The following TMEM132C variants were observed in gnomAD, a reference collection of about 807,000 sequenced individuals.
TMEM132C encodes transmembrane protein 132C.
In TMEM132C, 29 loss-of-function variants were observed where a neutral mutation model predicts 61.4. The ratio of observed to expected loss-of-function variants is 0.47; its 90% CI spans 0.35 to 0.64. The LOEUF (loss-of-function observed/expected upper bound fraction) is 0.64. Among genes scored for constraint, TMEM132C ranks in the 30% least tolerant of loss-of-function variants. The pLI is 0.00. For missense variants in TMEM132C, 1,408 were observed against 1,476.9 expected, an observed-to-expected ratio of 0.95 and a Z score of 0.76; for synonymous variants, 656 against 633.1, an observed-to-expected ratio of 1.04 and a Z score of -0.54.
At chr12:128,666,148 C>G (rs1321052275) in intron 4 of TMEM132C, among the ~76,000 whole-genome samples, 1 of 148,234 alleles carries the variant, frequency 6.7e-6, no homozygotes, top group Non-Finnish European at 1.5e-5. Context: ...CACACATTCA[C>G]AGGCATTCAT....
Position 128,705,932 on chromosome 12 carries a change from G to A in TMEM132C, c.2964G>A (p.Pro988=), listed in dbSNP as rs1044433377. 3.4e-5 allele frequency: 52 copies of A among 1,551,224 alleles called. No homozygotes were observed. Among genetic ancestry groups the A allele is most frequent in the African/African-American group, 1.1e-4 (8 of 73,018 alleles). The change falls in exon 9 of 9, where the codon CCG becomes CCA. Residue 988 remains proline (P), a synonymous_variant. Transcript: ENST00000435159. ...AELLESMGDA[P]PPQDEHTTII... The stretch of plus-strand genomic sequence containing the variant: ...TCCTGGAGAGCATGGGGGATGCGCC[G>A]CCGCCCCAGGACGAGCACACCACCA...
chr12:128,460,960 G>C (rs771027493), intron 2 of TMEM132C, among the ~76,000 whole-genome samples: 6 of 152,180 alleles, frequency 3.9e-5, no homozygotes, highest in Non-Finnish European at 5.9e-5. Context: ...ACTTGAAAAT[G>C]AGTAGCTAGG....
chr12:128,340,915 TTTCTCTC>T (rs1872954818), intron 1 of TMEM132C, among the ~76,000 whole-genome samples: 1 of 103,738 alleles, frequency 9.6e-6, no homozygotes, highest in African/African-American at 4.0e-5. Context: ...TCTCTCTCTC[TTTCTCTC>T]TCTCTCTCTC....
At position 128,426,098 on chromosome 12, in the gene TMEM132C, G is replaced by A. The variant is rs915965461; in HGVS notation, c.974+10478G>A. On this transcript the variant is annotated intron_variant, in intron 2 of 8. Coordinates refer to ENST00000435159, the MANE Select transcript of TMEM132C (RefSeq NM_001136103.3). ...ACATGCCCCTTGGCAACACCAGGCC[G>A]TGTTCCCTGTGGTGGAAAAGCAAAG... Among the ~76,000 whole-genome samples, 14 of 152,224 alleles carry A rather than the reference G, an allele frequency of 9.2e-5. 1 individual carries two copies. Among genetic ancestry groups the A allele is most frequent in the African/African-American group, 3.1e-4 (13 of 41,458 alleles).
chr12:128,500,900 GT>G (rs887550581), intron 2 of TMEM132C, among the ~76,000 whole-genome samples: 73 of 152,142 alleles, frequency 4.8e-4, no homozygotes, highest in African/African-American at 1.6e-3. Flanking sequence ...TCAAGGTAGT[GT>G]TTTTTTATAA....
At chr12:128,620,367 T>C (rs539972677) in intron 4 of TMEM132C, among the ~76,000 whole-genome samples, 29 of 151,890 alleles carry the variant, frequency 1.9e-4, no homozygotes, top group African/African-American at 6.3e-4. Flanking sequence ...TTCCTGCAGG[T>C]ATACTCTAGT....
chr12:128,678,574 G>C (rs1191116693), intron 5 of TMEM132C, among the ~76,000 whole-genome samples: 1 of 152,222 alleles, frequency 6.6e-6, no homozygotes, highest in Non-Finnish European at 1.5e-5. Context: ...CAAGCATGCA[G>C]GACGATGCCT....
chr12:128,705,213 C>G lies in TMEM132C; in HGVS notation c.2245C>G (p.Gln749Glu), dbSNP rs1173086115. The G allele has an allele frequency of 1.3e-6, 2 of 1,551,598 alleles. No homozygotes were observed. The highest frequency in any genetic ancestry group is 1.7e-6 in the Non-Finnish European group (2 of 1,147,012). ...SQDEAVVSVPQPRSPRWPVVV... is the reference protein window; with the variant it reads ...SQDEAVVSVPEPRSPRWPVVV... ...GGACGAGGCTGTCGTGTCAGTCCCC[C>G]AGCCCCGCTCTCCCAGGTGGCCCGT... Residue 749 changes from glutamine (Q) to glutamate (E), a missense_variant, in exon 9 of 9, where the codon CAG (glutamine) becomes GAG (glutamate). Coordinates refer to ENST00000435159, the MANE Select transcript of TMEM132C (RefSeq NM_001136103.3).
intron 3 of TMEM132C, among the ~76,000 whole-genome samples, chr12:128,565,982 T>G (rs1453336866): frequency 1.3e-5 from 2 of 152,018 alleles, no homozygotes; most frequent in Non-Finnish European, 2.9e-5. Context: ...CTCCGCCACC[T>G]GGATTCAAGC....
chr12:128,582,948 A>ACAC (rs1307413512), intron 3 of TMEM132C, among the ~76,000 whole-genome samples: 2 of 152,174 alleles, frequency 1.3e-5, no homozygotes, highest in African/African-American at 4.8e-5. Flanking sequence ...CCCTGTACAG[A>ACAC]CACTTTGGAA....
chr12:128,364,214 C>G (rs1873791610), intron 1 of TMEM132C, among the ~76,000 whole-genome samples: 1 of 151,762 alleles, frequency 6.6e-6, no homozygotes. Context: ...ATCAGATTCT[C>G]TCTCTCTCTG....
At chr12:128,581,286 A>G (rs1005749607) in intron 3 of TMEM132C, among the ~76,000 whole-genome samples, 6 of 151,706 alleles carry the variant, frequency 4.0e-5, no homozygotes, top group Non-Finnish European at 8.8e-5. Context: ...CCTTTTAAAC[A>G]CTAACAAAAG....
At chr12:128,689,018 A>T (rs1359916247) in intron 5 of TMEM132C, among the ~76,000 whole-genome samples, 2 of 151,720 alleles carry the variant, frequency 1.3e-5, no homozygotes, top group Non-Finnish European at 2.9e-5. Flanking sequence ...GGGTTTCACC[A>T]TGTTGGCCAG....
At chr12:128,311,275 C>T (rs1871955194) in intron 1 of TMEM132C, among the ~76,000 whole-genome samples, 1 of 152,228 alleles carries the variant, frequency 6.6e-6, no homozygotes, top group Non-Finnish European at 1.5e-5. Context: ...CCCTTATTAA[C>T]TCAGCTAAGC....
intron 3 of TMEM132C, among the ~76,000 whole-genome samples, chr12:128,561,715 A>C (rs906842620): frequency 2.6e-5 from 4 of 152,246 alleles, no homozygotes; most frequent in Non-Finnish European, 5.9e-5. Context: ...AAAGAAGTGT[A>C]TGACTTAGGA....
At chr12:128,408,446 G>T (rs2136016001) in intron 1 of TMEM132C, among the ~76,000 whole-genome samples, 1 of 152,122 alleles carries the variant, frequency 6.6e-6, no homozygotes, top group African/African-American at 2.4e-5. Flanking sequence ...AGAGCCCTTG[G>T]CTCACAACCT....
intron 1 of TMEM132C, among the ~76,000 whole-genome samples, chr12:128,307,531 G>A (rs909262174): frequency 6.6e-6 from 1 of 152,070 alleles, no homozygotes; most frequent in Non-Finnish European, 1.5e-5. Flanking sequence ...TCTATCAGGT[G>A]ACATGAAAAT....
intron 4 of TMEM132C, among the ~76,000 whole-genome samples, chr12:128,622,750 A>C (rs1159411646): frequency 6.6e-6 from 1 of 151,928 alleles, no homozygotes; most frequent in Non-Finnish European, 1.5e-5. Flanking sequence ...TGTGGGGGAG[A>C]TCTCCTTTGA....
chr12:128,323,383 T>G (rs932493223), intron 1 of TMEM132C, among the ~76,000 whole-genome samples: 2 of 152,232 alleles, frequency 1.3e-5, no homozygotes, highest in Non-Finnish European at 2.9e-5. Flanking sequence ...AAGGAGAGAT[T>G]GTCAGGCGTG....
Sources: allele counts gnomAD v4.1 joint callset (sites outside exome capture counted in the v4.1 genomes callset), GRCh38; gene constraint gnomAD v4.1.1; transcripts MANE v1.5; gene names NCBI Gene and HGNC (gene_info 2026-07-23, HGNC 2026-07-21).